Variants in PLD5 observed in about 807,000 individuals in gnomAD.
The protein encoded by PLD5 is phospholipase D family member 5.
Under a neutral mutation model 61.1 loss-of-function variants are expected in PLD5, and 36 were observed. That is an observed-to-expected ratio of 0.59 (90% CI 0.45 to 0.78). The LOEUF (loss-of-function observed/expected upper bound fraction) is 0.78, where lower values mean the gene tolerates loss of function less well. PLD5 is among the 30% of genes least tolerant of loss of function. The pLI, the probability that PLD5 is intolerant of heterozygous loss-of-function variation, is 0.00. For missense variants in PLD5, 515 were observed against 644.4 expected, an observed-to-expected ratio of 0.80 and a Z score of 2.17; for synonymous variants, 243 against 242.8, an observed-to-expected ratio of 1.00 and a Z score of -0.01.
Position 242,401,481 on chromosome 1 carries a change from C to T in PLD5, c.190-53239G>A, listed in dbSNP as rs146340911. Among the ~76,000 whole-genome samples, 174 of 152,290 alleles carry T rather than the reference C, an allele frequency of 1.1e-3. 1 individual carries two copies. Among genetic ancestry groups the T allele is most frequent in the African/African-American group, 3.9e-3 (163 of 41,558 alleles). On this transcript the variant is annotated intron_variant, in intron 1 of 9. Transcript: ENST00000536534. ...ATTAAACACAGAATCCTTCCTGTGG[C>T]CTGTGAGGGCCGCCGGGACCCCACC...
chr1:242,158,309 G>A (rs904658491), intron 5 of PLD5, among the ~76,000 whole-genome samples: 11 of 152,052 alleles, frequency 7.2e-5, no homozygotes, highest in Non-Finnish European at 1.3e-4. Context: ...TCCTTTCCAG[G>A]GGAGTCAAGA....
intron 1 of PLD5, among the ~76,000 whole-genome samples, chr1:242,405,928 A>C (rs1438551979): frequency 6.6e-6 from 1 of 151,780 alleles, no homozygotes; most frequent in Admixed American, 6.6e-5. Flanking sequence ...ACCTAAAAAA[A>C]AATCTAGCAA....
chr1:242,339,611 A>G (rs1659720621), intron 2 of PLD5, among the ~76,000 whole-genome samples: 1 of 152,214 alleles, frequency 6.6e-6, no homozygotes, highest in African/African-American at 2.4e-5. Context: ...CTTGCTATAC[A>G]AGCTCAGAAT....
chr1:242,292,266 A>G (rs994769730), intron 2 of PLD5, among the ~76,000 whole-genome samples: 1 of 152,172 alleles, frequency 6.6e-6, no homozygotes, highest in African/African-American at 2.4e-5. Context: ...CAATCCAATA[A>G]ACAAACAAAA....
intron 5 of PLD5, among the ~76,000 whole-genome samples, chr1:242,155,444 G>A (rs562974152): frequency 6.6e-4 from 100 of 151,968 alleles, no homozygotes; most frequent in African/African-American, 2.2e-3. Context: ...GTGATGTTAG[G>A]GTGTCAATTT....
At chr1:242,112,283 CTGTGTGTGTGTGTGTGTG>C (rs748175841) in intron 7 of PLD5, among the ~76,000 whole-genome samples, 1 of 119,652 alleles carries the variant, frequency 8.4e-6, no homozygotes, top group African/African-American at 2.9e-5. Flanking sequence ...AAAGGATGCA[CTGTGTGTGTGTGTGTGTG>C]TGTGTGTGTG....
intron 1 of PLD5, among the ~76,000 whole-genome samples, chr1:242,395,155 C>T (rs1026758746): frequency 8.8e-5 from 13 of 147,998 alleles, no homozygotes; most frequent in African/African-American, 2.7e-4. Context: ...TAGAGCTATT[C>T]CTAAAATTTT....
At chr1:242,245,694 T>TGAGGAA (rs1230143477) in intron 4 of PLD5, among the ~76,000 whole-genome samples, 6 of 152,182 alleles carry the variant, frequency 3.9e-5, no homozygotes, top group Non-Finnish European at 8.8e-5. Flanking sequence ...CCCTTTAGGA[T>TGAGGAA]ATAAATGAGG....
chr1:242,456,646 A>T (rs1666953362), intron 1 of PLD5, among the ~76,000 whole-genome samples: 1 of 152,230 alleles, frequency 6.6e-6, no homozygotes, highest in African/African-American at 2.4e-5. Flanking sequence ...TCTATATCAG[A>T]GACTGCAAAC....
intron 1 of PLD5, chr1:242,449,514 C>A: frequency 6.7e-7 from 1 of 1,488,282 alleles, no homozygotes. Context: ...CAATTGCTGG[C>A]CTCAATGCTT....
intron 1 of PLD5, among the ~76,000 whole-genome samples, chr1:242,375,426 GA>G (rs1661890752): frequency 6.6e-6 from 1 of 152,186 alleles, no homozygotes; most frequent in African/African-American, 2.4e-5. Flanking sequence ...CCTCCCAGAG[GA>G]GACTTTAATT....
chr1:242,420,917 G>A lies in PLD5; in HGVS notation c.190-72675C>T, dbSNP rs563060037. 3.4e-3 allele frequency among the ~76,000 whole-genome samples: 525 copies of A among 152,198 alleles called. 1 individual carries two copies. Among genetic ancestry groups the A allele is most frequent in the Non-Finnish European group, 5.5e-3 (375 of 68,000 alleles). On this transcript the variant is annotated intron_variant, in intron 1 of 9. Coordinates refer to ENST00000536534, the MANE Select transcript of PLD5 (RefSeq NM_001372062.1). The stretch of plus-strand genomic sequence containing the variant: ...TGGTTGGCCGGGCGCAGTGGTTCAC[G>A]CCTGTAATCCCTTTGGGATTTTGGA...
rs1191237102 is a variant in PLD5, at chr1:242,256,893, TTC to T, written c.607+8442_607+8443del. On this transcript the variant is annotated intron_variant, in intron 4 of 9. Transcript: ENST00000536534. This position sits in a 1 kb window ranked among gnomAD's most constrained non-coding sequence, Gnocchi z 5.7. ...CTTCTTTCTTTTCTCTCCCTCTTCTTTCTCTTTCTTTTTTCATCTATCTATCT... is the reference window on the plus strand; with the variant it reads ...CTTCTTTCTTTTCTCTCCCTCTTCTTTCTTTCTTTTTTCATCTATCTATCT... Among the ~76,000 whole-genome samples the T allele has an allele frequency of 7.6e-6, 1 of 131,804 alleles. No homozygotes were observed. Among genetic ancestry groups the T allele is most frequent in the African/African-American group, 3.1e-5 (1 of 32,532 alleles). 86.5% of individuals were successfully genotyped at this position (131,804 alleles called of 152,430 possible). A position where few individuals can be genotyped will look rare whatever the true frequency, so the allele number is the denominator to read the frequency against.
At chr1:242,141,550 A>G (rs1221410592) in intron 5 of PLD5, among the ~76,000 whole-genome samples, 1 of 152,150 alleles carries the variant, frequency 6.6e-6, no homozygotes. Context: ...TTCCTCAGGC[A>G]GTTTTAATTC....
At chr1:242,377,631 A>T (rs1476086652) in intron 1 of PLD5, among the ~76,000 whole-genome samples, 1 of 151,970 alleles carries the variant, frequency 6.6e-6, no homozygotes, top group African/African-American at 2.4e-5. Flanking sequence ...TGTACAGCTC[A>T]TGGGGGAAAA....
chr1:242,215,827 A>G (rs1225728246), intron 5 of PLD5, among the ~76,000 whole-genome samples: 1 of 152,198 alleles, frequency 6.6e-6, no homozygotes, highest in East Asian at 1.9e-4. Context: ...CACAGACACC[A>G]TTCACTCCAG....
intron 1 of PLD5, among the ~76,000 whole-genome samples, chr1:242,409,402 A>C (rs1664419467): frequency 6.6e-6 from 1 of 152,138 alleles, no homozygotes; most frequent in Non-Finnish European, 1.5e-5. Flanking sequence ...TCTTTCTCAC[A>C]TTCTCATTTA....
chr1:242,413,581 T>C (rs1664671365), intron 1 of PLD5, among the ~76,000 whole-genome samples: 1 of 152,212 alleles, frequency 6.6e-6, no homozygotes, highest in African/African-American at 2.4e-5. Context: ...CACAAACGAC[T>C]TCCAGTCAAG....
In PLD5 at chr1:242,455,410, A is replaced by C. The variant is rs147214279; in HGVS notation, c.189+68678T>G. 2.1e-3 allele frequency among the ~76,000 whole-genome samples: 319 copies of C among 152,342 alleles called. 1 individual carries two copies. The highest frequency in any genetic ancestry group is 2.8e-3 in the Non-Finnish European group (192 of 68,036). On this transcript the variant is annotated intron_variant, in intron 1 of 9. Transcript: ENST00000536534. ...ACATAAAGGACCGTCCCAAGTAAGA[A>C]GTCTTCTGAGGCAGGTTGCCAAAGA...
Sources: allele counts gnomAD v4.1 joint callset (sites outside exome capture counted in the v4.1 genomes callset), GRCh38; gene constraint gnomAD v4.1.1; non-coding constraint Gnocchi (gnomAD v3.1); transcripts MANE v1.5; gene names NCBI Gene and HGNC (gene_info 2026-07-23, HGNC 2026-07-21).